Variants in RXFP1 observed in about 807,000 individuals in gnomAD.
RXFP1 encodes the protein relaxin family peptide receptor 1, also known as relaxin receptor 1.
A neutral mutation model predicts 89.8 loss-of-function variants in RXFP1; 73 were observed. That is an observed-to-expected ratio of 0.81 (90% CI 0.67 to 0.99). The LOEUF (loss-of-function observed/expected upper bound fraction) is 0.99, where lower values mean the gene tolerates loss of function less well. Ranked by LOEUF, RXFP1 falls within the 50% of genes least tolerant of loss-of-function variation. RXFP1 has a pLI of 0.00. For synonymous variants in RXFP1, 277 were observed against 305.5 expected (o/e 0.91, Z 0.97); for missense variants, 793 against 895.5 (o/e 0.89, Z 1.46).
chr4:158,547,515 T>C (rs920999834), intron 1 of RXFP1, among the ~76,000 whole-genome samples: 27 of 152,212 alleles, frequency 1.8e-4, no homozygotes, highest in Admixed American at 1.6e-3. Flanking sequence ...TTTCTCTTGC[T>C]TTTCTAGTTA....
rs530720075 is a variant in RXFP1, at chr4:158,536,047, T to G, written c.49+14022T>G. Among the ~76,000 whole-genome samples the G allele has an allele frequency of 5.9e-5, 9 of 152,354 alleles. No individual in the cohort carries two copies. The South Asian group carries it at 1.7e-3, about 28-fold the overall frequency. On this transcript the variant is annotated intron_variant, in intron 1 of 17. Coordinates refer to ENST00000307765, the MANE Select transcript of RXFP1 (RefSeq NM_021634.4). ...ACACGGTTATTTGAATCAAATGGAA[T>G]GAACCCATTATCTGGAAGTACATAC...
chr4:158,628,328 C>G (rs1767325577), intron 10 of RXFP1, among the ~76,000 whole-genome samples: 1 of 152,164 alleles, frequency 6.6e-6, no homozygotes, highest in South Asian at 2.1e-4. Context: ...AAGTCTAAAA[C>G]AGCTCCTATG....
chr4:158,631,537 T>C (rs1460829994), intron 11 of RXFP1, among the ~76,000 whole-genome samples: 1 of 152,152 alleles, frequency 6.6e-6, no homozygotes, highest in Non-Finnish European at 1.5e-5. Context: ...GTGTTATATG[T>C]GCTATACTAG....
intron 5 of RXFP1, among the ~76,000 whole-genome samples, chr4:158,606,895 A>G (rs144015446): frequency 2.0e-5 from 3 of 152,278 alleles, no homozygotes; most frequent in African/African-American, 7.2e-5. Context: ...TAAATTTTAT[A>G]ATAACATTTC....
At chr4:158,560,570 GC>G (rs1479631848) in intron 1 of RXFP1, among the ~76,000 whole-genome samples, 3 of 152,164 alleles carry the variant, frequency 2.0e-5, no homozygotes, top group Non-Finnish European at 4.4e-5. Flanking sequence ...ACCCGGCATG[GC>G]CTAAACAAAG....
chr4:158,634,031 C>A (rs1768637368), intron 12 of RXFP1, among the ~76,000 whole-genome samples: 1 of 152,106 alleles, frequency 6.6e-6, no homozygotes, highest in Non-Finnish European at 1.5e-5. Context: ...TTTTTAGGTA[C>A]CTACTCTCAA....
chr4:158,525,684 T>G (rs1057116262), intron 1 of RXFP1, among the ~76,000 whole-genome samples: 2 of 152,254 alleles, frequency 1.3e-5, no homozygotes, highest in African/African-American at 4.8e-5. Context: ...TCCCATTTAT[T>G]GAGAGGTCTC....
At chr4:158,526,258 C>T (rs974601889) in intron 1 of RXFP1, among the ~76,000 whole-genome samples, 1 of 152,226 alleles carries the variant, frequency 6.6e-6, no homozygotes, top group South Asian at 2.1e-4. Flanking sequence ...GTTTGCAGCA[C>T]ATGAAACTTA....
chr4:158,597,445 G>T (rs1018489475), intron 3 of RXFP1, among the ~76,000 whole-genome samples: 1 of 151,978 alleles, frequency 6.6e-6, no homozygotes, highest in Admixed American at 6.5e-5. Context: ...TGCATTACTC[G>T]TCTTTTTTTA....
chr4:158,556,384 G>A (rs1751312541), intron 1 of RXFP1, among the ~76,000 whole-genome samples: 1 of 152,156 alleles, frequency 6.6e-6, no homozygotes. Flanking sequence ...TCTCACTCCA[G>A]TTAGAATGGC....
rs1361439585 is a variant in RXFP1 at position 158,638,088 on chromosome 4, T to A, written c.1043+9T>A. 2.0e-6 allele frequency: 3 copies of A among 1,507,908 alleles called. No individual in the cohort carries two copies. The Admixed American group carries it at 5.2e-5, about 26-fold the overall frequency. 93.4% of individuals were successfully genotyped at this position (1,507,908 alleles called of 1,614,324 possible). Reference sequence around the variant, plus strand: ...GTCAAACTCAAGTCTCTGTAAGTATTCACATATGGGGATAGTTTTATGATA... The same window carrying A: ...GTCAAACTCAAGTCTCTGTAAGTATACACATATGGGGATAGTTTTATGATA... On this transcript the variant is annotated intron_variant, in intron 13 of 17. Transcript: ENST00000307765.
intron 2 of RXFP1, among the ~76,000 whole-genome samples, chr4:158,583,969 G>A (rs898184015): frequency 3.9e-5 from 6 of 152,190 alleles, no homozygotes; most frequent in African/African-American, 1.4e-4. Context: ...ACTCCACACA[G>A]TTTGATGAAT....
chr4:158,578,972 T>C (rs1756798343), intron 2 of RXFP1, among the ~76,000 whole-genome samples: 1 of 147,660 alleles, frequency 6.8e-6, no homozygotes, highest in Non-Finnish European at 1.5e-5. Flanking sequence ...TTTGCAAATA[T>C]AATGCAGGTA....
upstream of RXFP1, chr4:158,521,717 CGTGT>C (rs1741223435): frequency 2.1e-6 from 1 of 466,306 alleles, no homozygotes; most frequent in African/African-American, 2.0e-5. Flanking sequence ...CGCACGCGTG[CGTGT>C]GTGTAAAGAA....
At chr4:158,557,445 T>C (rs1346543060) in intron 1 of RXFP1, among the ~76,000 whole-genome samples, 2 of 152,208 alleles carry the variant, frequency 1.3e-5, no homozygotes, top group African/African-American at 4.8e-5. Flanking sequence ...GGAGTAGTTT[T>C]TCAGTTAGAA....
intron 1 of RXFP1, among the ~76,000 whole-genome samples, chr4:158,545,005 T>A (rs1187846383): frequency 6.6e-6 from 1 of 151,752 alleles, no homozygotes; most frequent in African/African-American, 2.4e-5. Flanking sequence ...TAGTTCTAGA[T>A]CCCTGAGGAA....
intron 4 of RXFP1, among the ~76,000 whole-genome samples, chr4:158,602,602 G>A (rs1241089425): frequency 6.6e-6 from 1 of 151,838 alleles, no homozygotes; most frequent in African/African-American, 2.4e-5. Context: ...GCCCCGGGCT[G>A]TTAAGACTGA....
intron 5 of RXFP1, among the ~76,000 whole-genome samples, chr4:158,606,067 T>C (rs1483180241): frequency 6.6e-6 from 1 of 152,168 alleles, no homozygotes; most frequent in Non-Finnish European, 1.5e-5. Context: ...TGAAAATAAC[T>C]TTTCAAAATT....
At chr4:158,545,232 C>T (rs923314891) in intron 1 of RXFP1, among the ~76,000 whole-genome samples, 7 of 151,948 alleles carry the variant, frequency 4.6e-5, no homozygotes, top group Admixed American at 3.3e-4. Context: ...GTTTTTTTGG[C>T]TGCATAAATG....
Sources: gnomAD v4.1 joint callset for allele counts (sites outside exome capture counted in the v4.1 genomes callset) on GRCh38, gnomAD v4.1.1 for gene constraint, MANE v1.5 for transcripts, NCBI Gene and HGNC (gene_info 2026-07-23, HGNC 2026-07-21) for gene names.